Variants in VPS13A observed in about 807,000 individuals in gnomAD.
The protein encoded by VPS13A is vacuolar protein sorting 13 homolog A.
VPS13A carries 264 observed loss-of-function variants against 390.9 expected under a neutral mutation model. The ratio of observed to expected loss-of-function variants is 0.68; its 90% CI spans 0.61 to 0.75. The LOEUF (loss-of-function observed/expected upper bound fraction) is 0.75. Ranked by LOEUF, VPS13A falls within the 30% of genes least tolerant of loss-of-function variation. The pLI is 0.00. For missense variants in VPS13A, 3,409 were observed against 3,733.9 expected, an observed-to-expected ratio of 0.91 and a Z score of 2.27; for synonymous variants, 1,231 against 1,227.1, an observed-to-expected ratio of 1.00 and a Z score of -0.07.
chr9:77,195,972 G>A (rs1280573154), intron 1 of VPS13A, among the ~76,000 whole-genome samples: 1 of 151,846 alleles, frequency 6.6e-6, no homozygotes, highest in Non-Finnish European at 1.5e-5. Context: ...TGCTTTTGCT[G>A]TATCATACTA....
intron 14 of VPS13A, among the ~76,000 whole-genome samples, 164 bp downstream of exon 14, chr9:77,226,152 T>TTTAAA (rs1823495546): frequency 6.6e-6 from 1 of 151,958 alleles, no homozygotes; most frequent in Non-Finnish European, 1.5e-5. Context: ...GGCACATCCA[T>TTTAAA]TTAAATCAGA....
At position 77,363,413 on chromosome 9, in the gene VPS13A, T is replaced by C. The variant is rs1454129571; in HGVS notation, c.8212-2047T>C. On this transcript the variant is annotated intron_variant, in intron 59 of 71. Transcript: ENST00000360280. ...TAATTTTTTTTTTTTTATTTTTTTT[T>C]TTTTTTGAGACCTAGGCTCGCTCTG... 8.2e-5 allele frequency among the ~76,000 whole-genome samples: 12 copies of C among 145,806 alleles called. 1 individual carries two copies. The highest frequency in any genetic ancestry group is 3.0e-4 in the African/African-American group (12 of 39,826).
intron 10 of VPS13A, among the ~76,000 whole-genome samples, chr9:77,216,311 G>A (rs568396909): frequency 6.6e-6 from 1 of 152,204 alleles, no homozygotes; most frequent in Non-Finnish European, 1.5e-5. Context: ...ATACCTGTTG[G>A]AGAGCGAAGG....
At chr9:77,261,704 C>T (rs1273034997) in intron 23 of VPS13A, among the ~76,000 whole-genome samples, 1 of 152,018 alleles carries the variant, frequency 6.6e-6, no homozygotes, top group Non-Finnish European at 1.5e-5. Context: ...CCCATCTCAG[C>T]CTCCCAAGTA....
intron 24 of VPS13A, among the ~76,000 whole-genome samples, chr9:77,274,187 T>C (rs931167625): frequency 2.0e-5 from 3 of 152,076 alleles, no homozygotes; most frequent in African/African-American, 7.2e-5. Context: ...CCCAGCACTT[T>C]GGGAGGCCAA....
intron 54 of VPS13A, among the ~76,000 whole-genome samples, chr9:77,355,275 C>A (rs1048832662): frequency 1.3e-5 from 2 of 152,172 alleles, no homozygotes; most frequent in African/African-American, 4.8e-5. Flanking sequence ...TCCATAATGC[C>A]ATATCCAGTG....
Position 77,302,992 on chromosome 9 carries a change from G to A in VPS13A, c.3890G>A (p.Arg1297Gln), listed in dbSNP as rs759280048. ...LPLNLEVVVE[R>Q]NLCWEWYQEV... ...TTAAATCTTGAGGTTGTGGTTGAAC[G>A]AAATTTATGCTGGGAGTGGTACCAG... Residue 1297 changes from arginine to glutamine, a missense_variant, in exon 34 of 72, where the codon CGA becomes CAA. Transcript: ENST00000360280. The A allele has an allele frequency of 6.2e-6, 10 of 1,613,904 alleles. No homozygotes were observed. The highest frequency in any genetic ancestry group is 2.7e-5 in the African/African-American group (2 of 74,900).
chr9:77,177,538 C>T lies in VPS13A; in HGVS notation c.-167C>T, dbSNP rs376970525. The T allele has an allele frequency of 1.5e-6, 1 of 646,816 alleles. No homozygotes were observed. Among genetic ancestry groups the T allele is most frequent in the Non-Finnish European group, 2.8e-6 (1 of 363,628 alleles). 40.1% of individuals were successfully genotyped at this position (646,816 alleles called of 1,614,324 possible). On this transcript the variant is annotated 5_prime_UTR_variant, in exon 1 of 72. Transcript: ENST00000360280. ...GCACGCGTCGTGAGAGCGACCGCCT[C>T]CGTCTCTCGCTGGGCTCGCTAGGGC... is the stretch of plus-strand genomic sequence containing the variant.
At chr9:77,203,235 G>A (rs768731303) in intron 3 of VPS13A, among the ~76,000 whole-genome samples, 1 of 152,066 alleles carries the variant, frequency 6.6e-6, no homozygotes, top group Non-Finnish European at 1.5e-5. Flanking sequence ...TTTGAAATTT[G>A]CCAAATTTTC....
intron 67 of VPS13A, among the ~76,000 whole-genome samples, chr9:77,376,334 T>C (rs1833076331): frequency 6.6e-6 from 1 of 152,034 alleles, no homozygotes; most frequent in Admixed American, 6.5e-5. Flanking sequence ...GAGAGGCCAT[T>C]GAAAGGTTTC....
At chr9:77,275,364 A>G in intron 24 of VPS13A, 134 bp from the exon 25 acceptor site, 1 of 843,914 alleles carries the variant, frequency 1.2e-6, no homozygotes, top group Non-Finnish European at 1.9e-6. Flanking sequence ...TTTTCTGTTT[A>G]TTTCGGTTCT....
chr9:77,375,999 G>T (rs1041834267), intron 67 of VPS13A, among the ~76,000 whole-genome samples: 8 of 152,306 alleles, frequency 5.3e-5, no homozygotes, highest in Non-Finnish European at 1.2e-4. Context: ...GAGGTAAGGA[G>T]ATGCAAAATG....
intron 68 of VPS13A, among the ~76,000 whole-genome samples, chr9:77,398,853 T>G (rs572501184): frequency 5.2e-4 from 79 of 152,000 alleles, no homozygotes; most frequent in African/African-American, 1.9e-3. Flanking sequence ...AATGATGAGT[T>G]CATATCCTTT....
intron 45 of VPS13A, among the ~76,000 whole-genome samples, chr9:77,329,811 T>C (rs1195765775): frequency 6.6e-6 from 1 of 152,210 alleles, no homozygotes; most frequent in Non-Finnish European, 1.5e-5. Context: ...CTACTTTTGA[T>C]AGTCAGGAGA....
chr9:77,213,239 C>T lies in VPS13A; in HGVS notation c.621C>T (p.Ile207=), dbSNP rs146941948. ...CTAATAAATTTTATTTTCAGTTAATCCGATTGGATAACCTGTTTGCCTATT... is the reference window on the plus strand; with the variant it reads ...CTAATAAATTTTATTTTCAGTTAATTCGATTGGATAACCTGTTTGCCTATT... The part of the protein sequence containing the change: ...DETEKLVRKL[I]RLDNLFAYWN... The change falls in exon 9 of 72, where the codon ATC becomes ATT. Residue 207 remains isoleucine (I), a synonymous_variant. Coordinates refer to ENST00000360280, the MANE Select transcript of VPS13A (RefSeq NM_033305.3). The T allele has an allele frequency of 3.3e-5, 53 of 1,613,176 alleles. No homozygotes were observed. The African/African-American group carries it at 7.1e-4, about 22-fold the overall frequency.
chr9:77,383,074 C>T, intron 68 of VPS13A: 1 of 956,712 alleles, frequency 1.0e-6, no homozygotes, highest in Non-Finnish European at 1.2e-6. Context: ...GAATATGAAG[C>T]TTCCTTTATG....
At chr9:77,315,704 A>T (rs1275905013) in intron 38 of VPS13A, among the ~76,000 whole-genome samples, 1 of 152,130 alleles carries the variant, frequency 6.6e-6, no homozygotes, top group African/African-American at 2.4e-5. Context: ...TAGAATAAGT[A>T]ATTGTACTTC....
chr9:77,374,265 T>C (rs1361903263), intron 67 of VPS13A, among the ~76,000 whole-genome samples: 1 of 152,092 alleles, frequency 6.6e-6, no homozygotes, highest in Non-Finnish European at 1.5e-5. Context: ...TACATATCCG[T>C]GATGAAGTTT....
At chr9:77,395,199 C>T (rs541906276) in intron 68 of VPS13A, among the ~76,000 whole-genome samples, 10 of 152,248 alleles carry the variant, frequency 6.6e-5, no homozygotes, top group Admixed American at 3.9e-4. Flanking sequence ...AAGTGATAGA[C>T]ATATAACTCT....
Sources: gnomAD v4.1 joint callset for allele counts (sites outside exome capture counted in the v4.1 genomes callset) on GRCh38, gnomAD v4.1.1 for gene constraint, MANE v1.5 for transcripts, NCBI Gene and HGNC (gene_info 2026-07-23, HGNC 2026-07-21) for gene names.